UACA: variants seen among roughly 807,000 people sequenced by gnomAD.
UACA encodes nuclear membrane binding protein.
In UACA, 112 loss-of-function variants were observed where a neutral mutation model predicts 160.5. The ratio of observed to expected loss-of-function variants is 0.70; its 90% CI spans 0.60 to 0.82. UACA has a LOEUF of 0.82. Among genes scored for constraint, UACA ranks in the 40% least tolerant of loss-of-function variants. The probability of loss-of-function intolerance (pLI) is 0.00; values close to 1 mark genes in which losing one functional copy is unlikely to be tolerated. For missense variants in UACA, 1,574 were observed against 1,614.6 expected, an observed-to-expected ratio of 0.97 and a Z score of 0.43; for synonymous variants, 557 against 568.4, an observed-to-expected ratio of 0.98 and a Z score of 0.29.
chr15:70,747,220 C>T (rs961309967), intron 1 of UACA, among the ~76,000 whole-genome samples: 3 of 148,408 alleles, frequency 2.0e-5, no homozygotes, highest in African/African-American at 5.0e-5. Context: ...TGTGCAGAAA[C>T]GAATGGTGTT....
intron 18 of UACA, among the ~76,000 whole-genome samples, chr15:70,657,581 C>A (rs947805912): frequency 3.9e-5 from 6 of 152,030 alleles, no homozygotes; most frequent in Admixed American, 2.0e-4. Context: ...GGTGACATGG[C>A]GAGACCCCAT....
At chr15:70,703,398 AT>A in intron 1 of UACA, 1 of 597,052 alleles carries the variant, frequency 1.7e-6, no homozygotes. Context: ...TTCCTACTAA[AT>A]TTACAACATT....
At position 70,667,011 on chromosome 15, in the gene UACA, C is replaced by T. The variant is rs1373580260; in HGVS notation, c.3673G>A (p.Asp1225Asn). The T allele has an allele frequency of 6.2e-7, 1 of 1,613,322 alleles. No individual in the cohort carries two copies. The highest frequency in any genetic ancestry group is 1.1e-5 in the South Asian group (1 of 90,936). The change falls in exon 16 of 19, where the codon GAC becomes AAC. Residue 1225 changes from aspartate (D) to asparagine (N), a missense_variant. Coordinates refer to ENST00000322954, the MANE Select transcript of UACA (RefSeq NM_018003.4). Reference protein sequence around the residue: ...LKKLETREVVDLSKYKATKSD... With the variant: ...LKKLETREVVNLSKYKATKSD... ...TTTGTTGCTTTATATTTAGACAAGTCAACTACCTCTCTAGTCTCTAATTTT... is the reference window on the plus strand; with the variant it reads ...TTTGTTGCTTTATATTTAGACAAGTTAACTACCTCTCTAGTCTCTAATTTT...
At chr15:70,682,548 A>G (rs1161730790) in intron 9 of UACA, among the ~76,000 whole-genome samples, 1 of 152,146 alleles carries the variant, frequency 6.6e-6, no homozygotes, top group Non-Finnish European at 1.5e-5. Context: ...CTTCATTGAA[A>G]CTGAGATCTA....
At chr15:70,692,089 A>G (rs1897958854) in intron 3 of UACA, among the ~76,000 whole-genome samples, 1 of 152,240 alleles carries the variant, frequency 6.6e-6, no homozygotes. Context: ...GGTGAAAGAT[A>G]TAAGGATTTA....
chr15:70,678,845 T>C (rs931346021), intron 10 of UACA, among the ~76,000 whole-genome samples: 1 of 152,138 alleles, frequency 6.6e-6, no homozygotes, highest in Middle Eastern at 3.2e-3. Context: ...AAATTATTTT[T>C]CTCAATCAAA....
rs1193950322 is a variant in UACA at position 70,684,388 on chromosome 15, T to C, written c.661A>G (p.Lys221Glu). The C allele has an allele frequency of 6.2e-7, 1 of 1,613,732 alleles. No individual in the cohort carries two copies. Among genetic ancestry groups the C allele is most frequent in the African/African-American group, 1.3e-5 (1 of 74,928 alleles). ...AGCAAGCTTATATCAGCACCATTTT[T>C]AATTAAGACTTCTACTGCATCTCTG... is the stretch of plus-strand genomic sequence containing the variant. ...GCRDAVEVLI[K>E]NGADISLLDA... The change falls in exon 8 of 19, where the codon AAA becomes GAA. Residue 221 changes from lysine to glutamate, a missense_variant. Coordinates refer to ENST00000322954, the MANE Select transcript of UACA (RefSeq NM_018003.4).
rs1181905465 is a variant in UACA, at chr15:70,668,726, A to G, written c.1958T>C (p.Met653Thr). Reference protein sequence around the residue: ...VNEKAKKLVEMEREHEKSLSE... With the variant: ...VNEKAKKLVETEREHEKSLSE... ...AAGTGATTTTTCATGTTCTCTTTCCATTTCTACTAATTTTTTTGCTTTCTC... is the reference window on the plus strand; with the variant it reads ...AAGTGATTTTTCATGTTCTCTTTCCGTTTCTACTAATTTTTTTGCTTTCTC... Residue 653 changes from methionine to threonine, a missense_variant, in exon 16 of 19, where the codon ATG becomes ACG. Coordinates refer to ENST00000322954, the MANE Select transcript of UACA (RefSeq NM_018003.4). The G allele has an allele frequency of 1.2e-6, 2 of 1,613,374 alleles. No individual in the cohort carries two copies. The highest frequency in any genetic ancestry group is 4.5e-5 in the East Asian group (2 of 44,840).
intron 4 of UACA, 91 bp downstream of exon 4, chr15:70,691,208 T>C: frequency 1.1e-6 from 1 of 870,334 alleles, no homozygotes. Flanking sequence ...TTTACTATTC[T>C]CTTTGATCTA....
intron 1 of UACA, among the ~76,000 whole-genome samples, chr15:70,709,814 C>T (rs1335536347): frequency 6.6e-6 from 1 of 152,098 alleles, no homozygotes; most frequent in Non-Finnish European, 1.5e-5. Flanking sequence ...GGCTAGTCAA[C>T]AAATCATAGC....
chr15:70,737,544 TA>T (rs1231375552), intron 1 of UACA, among the ~76,000 whole-genome samples: 2 of 151,902 alleles, frequency 1.3e-5, no homozygotes, highest in East Asian at 3.9e-4. Flanking sequence ...CCATCTCTAT[TA>T]AAAATACAAA....
intron 1 of UACA, among the ~76,000 whole-genome samples, chr15:70,724,138 A>C (rs1899079446): frequency 6.6e-6 from 1 of 152,192 alleles, no homozygotes; most frequent in African/African-American, 2.4e-5. Flanking sequence ...CGAGCTTAGC[A>C]CTCTATTTGT....
intron 1 of UACA, 134 bp downstream of exon 1, chr15:70,763,196 G>A (rs2030881181): frequency 1.0e-6 from 1 of 992,844 alleles, no homozygotes; most frequent in South Asian, 3.4e-5. Context: ...CGGCCTCAGG[G>A]AGGAGTCGCC....
chr15:70,679,630 T>C lies in UACA; in HGVS notation c.869A>G (p.Gln290Arg). ...TACCTGAATATTTTGATGCTCCCTC[T>C]GATGTGACTTCACATTTACTTCATC... ...MQDEVNVKSH[Q>R]REHQNIQDLE... is the part of the protein sequence containing the mutation. The change falls in exon 10 of 19, where the codon CAG (glutamine) becomes CGG (arginine). Residue 290 changes from glutamine (Q) to arginine (R), a missense_variant. Transcript: ENST00000322954. 1 of 1,590,002 alleles carries C rather than the reference T, an allele frequency of 6.3e-7. No homozygotes were observed. Among genetic ancestry groups the C allele is most frequent in the Non-Finnish European group, 8.6e-7 (1 of 1,168,898 alleles).
Position 70,669,114 on chromosome 15 carries a change from T to C in UACA, c.1570A>G (p.Lys524Glu), listed in dbSNP as rs1897046952. The C allele has an allele frequency of 1.2e-6, 2 of 1,614,066 alleles. No homozygotes were observed. Among genetic ancestry groups the C allele is most frequent in the Non-Finnish European group, 1.7e-6 (2 of 1,180,030 alleles). ...GCTGCTTCACTTGTTAAGTGTTCTT[T>C]AAGGGCAAGAAAATGGGTCTGCATT... Reference protein sequence around the residue: ...KQMQTHFLALKEHLTSEAASG... With the variant: ...KQMQTHFLALEEHLTSEAASG... Residue 524 changes from lysine to glutamate, a missense_variant, in exon 16 of 19, where the codon AAA becomes GAA. Transcript: ENST00000322954.
intron 1 of UACA, among the ~76,000 whole-genome samples, chr15:70,744,176 G>A (rs1945478143): frequency 6.6e-6 from 1 of 151,082 alleles, no homozygotes; most frequent in Non-Finnish European, 1.5e-5. Context: ...GTGAACCCGG[G>A]AGGCGGAGTT....
At position 70,677,284 on chromosome 15, in the gene UACA, TGTTGTATGA is replaced by T. The variant is rs1897329116; in HGVS notation, c.1000-153_1000-145del. On this transcript the variant is annotated intron_variant, in intron 11 of 18. Coordinates refer to ENST00000322954, the MANE Select transcript of UACA (RefSeq NM_018003.4). Reference sequence around the variant, plus strand: ...ATGAGAAGAAAATTATGTACAATTCTGTTGTATGAGTTGTCATTCATTCTTCTCACTATC... The same window carrying T: ...ATGAGAAGAAAATTATGTACAATTCTGTTGTCATTCATTCTTCTCACTATC... 5 of 577,114 alleles carry T rather than the reference TGTTGTATGA, an allele frequency of 8.7e-6. No individual in the cohort carries two copies. The South Asian group carries it at 1.3e-4, about 15-fold the overall frequency. 35.7% of individuals were successfully genotyped at this position (577,114 alleles called of 1,614,324 possible).
chr15:70,678,962 C>G (rs1897383365), intron 10 of UACA, among the ~76,000 whole-genome samples: 1 of 152,032 alleles, frequency 6.6e-6, no homozygotes, highest in Admixed American at 6.6e-5. Flanking sequence ...CATCACAAAA[C>G]AAACACATTT....
chr15:70,690,509 G>A lies in UACA; in HGVS notation c.369C>T (p.Tyr123=), dbSNP rs370445328. The part of the protein sequence containing the change: ...HALCLQKLLQ[Y]NCPTEHADLQ... ...GGTCTGCATGCTCAGTGGGACAATT[G>A]TACTGTTAAAGTAAAGAAAACTTAG... The change falls in exon 5 of 19, where the codon TAC becomes TAT. Residue 123 remains tyrosine (Y), a splice_region_variant and synonymous_variant. Transcript: ENST00000322954. 11 of 1,611,930 alleles carry A rather than the reference G, an allele frequency of 6.8e-6. No individual in the cohort carries two copies. In the African/African-American group the frequency reaches 1.2e-4, roughly 18 times the overall value.
Sources: gnomAD v4.1 joint callset for allele counts (sites outside exome capture counted in the v4.1 genomes callset) on GRCh38, gnomAD v4.1.1 for gene constraint, MANE v1.5 for transcripts, NCBI Gene and HGNC (gene_info 2026-07-23, HGNC 2026-07-21) for gene names.